PPP2R2C: variants seen among roughly 807,000 people sequenced by gnomAD.
PPP2R2C encodes protein phosphatase 2 regulatory subunit Bgamma, also known as protein phosphatase 2, regulatory subunit B, gamma.
PPP2R2C carries 10 observed loss-of-function variants against 45.3 expected under a neutral mutation model. The ratio of observed to expected loss-of-function variants is 0.22; its 90% confidence interval spans 0.14 to 0.37. The LOEUF is 0.37. PPP2R2C is among the 10% of genes least tolerant of loss of function. PPP2R2C has a pLI of 1.00. For missense variants in PPP2R2C, 308 were observed against 619.7 expected, an observed-to-expected ratio of 0.50 and a Z score of 5.34; for synonymous variants, 257 against 245.4, an observed-to-expected ratio of 1.05 and a Z score of -0.44.
upstream of PPP2R2C, among the ~76,000 whole-genome samples, chr4:6,476,144 T>C (rs1722137137): frequency 6.6e-6 from 1 of 152,174 alleles, no homozygotes. Flanking sequence ...ATCTTGTTTA[T>C]TATGGCAGCC....
intron 5 of PPP2R2C, among the ~76,000 whole-genome samples, chr4:6,354,846 C>G (rs932385547): frequency 9.9e-5 from 15 of 152,210 alleles, no homozygotes; most frequent in Non-Finnish European, 1.8e-4. Context: ...GGCCCCATTG[C>G]CCCTTAGAAG....
intron 1 of PPP2R2C, among the ~76,000 whole-genome samples, chr4:6,452,816 G>C (rs918307676): frequency 6.6e-6 from 1 of 152,230 alleles, no homozygotes; most frequent in African/African-American, 2.4e-5. Context: ...GTAGCCGACT[G>C]AGTTCTTGGC....
intron 1 of PPP2R2C, among the ~76,000 whole-genome samples, chr4:6,549,121 G>A (rs1303161795): frequency 6.6e-6 from 1 of 152,178 alleles, no homozygotes; most frequent in African/African-American, 2.4e-5. Flanking sequence ...ACTGGTCTAA[G>A]CCACCATCAT....
intron 1 of PPP2R2C, among the ~76,000 whole-genome samples, chr4:6,394,504 A>T (rs1346307745): frequency 1.3e-5 from 2 of 152,216 alleles, no homozygotes; most frequent in Non-Finnish European, 2.9e-5. Context: ...CAGCTGGGGG[A>T]CCTGGTTCGA....
At chr4:6,492,394 G>A (rs963294087) in intron 2 of PPP2R2C, among the ~76,000 whole-genome samples, 4 of 152,228 alleles carry the variant, frequency 2.6e-5, no homozygotes, top group Admixed American at 2.0e-4. Flanking sequence ...TCGTGGTGCT[G>A]AAGACTTGAT....
intron 5 of PPP2R2C, among the ~76,000 whole-genome samples, chr4:6,356,801 C>G (rs1035125809): frequency 1.3e-5 from 2 of 152,236 alleles, no homozygotes; most frequent in Non-Finnish European, 1.5e-5. Flanking sequence ...CTCTCAGCCT[C>G]TCTGGACTCT....
At chr4:6,417,780 G>A (rs922254534) in intron 1 of PPP2R2C, among the ~76,000 whole-genome samples, 14 of 152,216 alleles carry the variant, frequency 9.2e-5, no homozygotes, top group African/African-American at 3.1e-4. Flanking sequence ...TGGGGGGCAT[G>A]GTCACTCAGA....
chr4:6,539,097 C>T (rs565189253), intron 1 of PPP2R2C, among the ~76,000 whole-genome samples: 6 of 151,222 alleles, frequency 4.0e-5, no homozygotes, highest in Non-Finnish European at 8.8e-5. Flanking sequence ...GAGATGGCGT[C>T]ATTAAGCTGA....
chr4:6,367,765 T>C (rs773645099), intron 5 of PPP2R2C, among the ~76,000 whole-genome samples: 3 of 152,136 alleles, frequency 2.0e-5, no homozygotes, highest in African/African-American at 4.8e-5. Context: ...CAGCACCCCA[T>C]GGGGAGCCAA....
chr4:6,371,788 T>C (rs534645382), intron 5 of PPP2R2C, among the ~76,000 whole-genome samples: 2 of 152,302 alleles, frequency 1.3e-5, no homozygotes, highest in East Asian at 3.9e-4. Flanking sequence ...TTGATGTTAG[T>C]CACAGAGCCT....
intron 2 of PPP2R2C, among the ~76,000 whole-genome samples, chr4:6,531,454 G>A (rs912506915): frequency 4.1e-4 from 62 of 152,310 alleles, no homozygotes; most frequent in African/African-American, 1.4e-3. Flanking sequence ...AGCTACAACC[G>A]CCAGGAAACA....
intron 1 of PPP2R2C, among the ~76,000 whole-genome samples, chr4:6,470,749 C>G (rs1200267161): frequency 6.6e-6 from 1 of 152,234 alleles, no homozygotes; most frequent in Non-Finnish European, 1.5e-5. Context: ...GCTCTCAGCT[C>G]CCCGGGCCTC....
chr4:6,372,445 CCAAT>C, intron 5 of PPP2R2C, 74 bp downstream of exon 5: 2 of 1,481,782 alleles, frequency 1.3e-6, no homozygotes, highest in Non-Finnish European at 1.9e-6. Context: ...CAGCTGTCTG[CCAAT>C]CAAACCAAAC....
intron 2 of PPP2R2C, among the ~76,000 whole-genome samples, chr4:6,510,977 AAAC>A (rs200337286): frequency 1.3e-5 from 1 of 78,762 alleles, no homozygotes; most frequent in Non-Finnish European, 2.9e-5. Context: ...ACTCCGTCTC[AAAC>A]AAAAAAAAAC....
chr4:6,462,050 C>T (rs950891112), intron 1 of PPP2R2C, among the ~76,000 whole-genome samples: 1 of 152,224 alleles, frequency 6.6e-6, no homozygotes, highest in African/African-American at 2.4e-5. Flanking sequence ...GACAACTTGC[C>T]CAAGATCACT....
chr4:6,437,864 C>T (rs1005905364), intron 1 of PPP2R2C, among the ~76,000 whole-genome samples: 19 of 150,246 alleles, frequency 1.3e-4, no homozygotes, highest in African/African-American at 4.4e-4. Flanking sequence ...TCTGTTTTTA[C>T]GTGCATCGGC....
intron 1 of PPP2R2C, among the ~76,000 whole-genome samples, chr4:6,419,359 G>C (rs1290056652): frequency 1.3e-5 from 2 of 152,146 alleles, no homozygotes; most frequent in Admixed American, 1.3e-4. Flanking sequence ...CCGGGAGGCA[G>C]TGGTTGCAGT....
chr4:6,483,343 T>C (rs1400943953), intron 2 of PPP2R2C, among the ~76,000 whole-genome samples: 1 of 152,180 alleles, frequency 6.6e-6, no homozygotes, highest in Non-Finnish European at 1.5e-5. Context: ...ATTATAGAGA[T>C]CATATTCCAA....
At chr4:6,343,514 C>T (rs375348857) in intron 6 of PPP2R2C, among the ~76,000 whole-genome samples, 2 of 151,992 alleles carry the variant, frequency 1.3e-5, no homozygotes, top group East Asian at 3.9e-4. Context: ...GCCAGGAGTT[C>T]GAGACCAGCC....
Sources: gnomAD v4.1 joint callset for allele counts (sites outside exome capture counted in the v4.1 genomes callset) on GRCh38, gnomAD v4.1.1 for gene constraint, MANE v1.5 for transcripts, NCBI Gene and HGNC (gene_info 2026-07-23, HGNC 2026-07-21) for gene names.